XDH: variants seen among roughly 807,000 people sequenced by gnomAD.
XDH encodes xanthine dehydrogenase/oxidase.
In XDH, 138 loss-of-function variants were observed where a neutral mutation model predicts 156.1. The ratio of observed to expected loss-of-function variants is 0.88; its 90% CI spans 0.77 to 1.02. The LOEUF is 1.02. XDH is among the 50% of genes least tolerant of loss of function. The pLI is 0.00. For synonymous variants in XDH, 669 were observed against 625.7 expected (o/e 1.07, Z -1.03); for missense variants, 1,849 against 1,684.9 (o/e 1.10, Z -1.71).
At chr2:31,344,065 A>T (rs1193828977) in intron 31 of XDH, among the ~76,000 whole-genome samples, 1 of 152,196 alleles carries the variant, frequency 6.6e-6, no homozygotes, top group Admixed American at 6.5e-5. Flanking sequence ...AAATATGATC[A>T]TATCTTTTTA....
intron 16 of XDH, 26 bp from the exon 17 acceptor site, chr2:31,372,423 G>C (rs199710889): frequency 1.2e-6 from 2 of 1,613,728 alleles, no homozygotes; most frequent in Admixed American, 1.7e-5. Flanking sequence ...CATCAATCAG[G>C]GTGAGCTGCC....
At position 31,405,965 on chromosome 2, in the gene XDH, C is replaced by A. The variant is rs745754753; in HGVS notation, c.43-1G>T. On this transcript the variant is annotated splice_acceptor_variant, in intron 1 of 35. Transcript: ENST00000379416. LOFTEE classifies it high-confidence loss of function. Reference sequence around the variant, plus strand: ...CTGGATCTGCATTTTTCTCCACCACCTATTAAAATAAATGAAAGAAAAATA... The same window carrying A: ...CTGGATCTGCATTTTTCTCCACCACATATTAAAATAAATGAAAGAAAAATA... 1 of 1,614,086 alleles carries A rather than the reference C, an allele frequency of 6.2e-7. No individual in the cohort carries two copies. The highest frequency in any genetic ancestry group is 8.5e-7 in the Non-Finnish European group (1 of 1,179,982).
chr2:31,364,137 G>A (rs774525019), intron 24 of XDH, 21 bp downstream of exon 24: 4 of 1,612,806 alleles, frequency 2.5e-6, no homozygotes, highest in African/African-American at 1.3e-5. Flanking sequence ...GGGTGCAGGG[G>A]CGGCTGCAGG....
chr2:31,359,921 G>A (rs1218005809), intron 24 of XDH, among the ~76,000 whole-genome samples: 1 of 152,208 alleles, frequency 6.6e-6, no homozygotes, highest in African/African-American at 2.4e-5. Context: ...AAGCAGGGAT[G>A]GGGGATGGTG....
intron 24 of XDH, among the ~76,000 whole-genome samples, chr2:31,356,660 T>G (rs770968065): frequency 6.6e-6 from 1 of 152,204 alleles, no homozygotes; most frequent in Non-Finnish European, 1.5e-5. Context: ...GATTTCAGAC[T>G]TCTGGCCTCA....
At chr2:31,344,953 T>C (rs565191192) in intron 30 of XDH, among the ~76,000 whole-genome samples, 2 of 152,282 alleles carry the variant, frequency 1.3e-5, no homozygotes, top group Admixed American at 6.5e-5. Context: ...TCTTAACTGG[T>C]CTTCCTCCCT....
At position 31,388,365 on chromosome 2, in the gene XDH, T is replaced by C. The variant is rs561614603; in HGVS notation, c.496-70A>G. ...ATTTGCAGAAGCTAAGGAATCTAGA[T>C]TACTAATATCCAGAACACTCCAGCT... is the stretch of plus-strand genomic sequence containing the variant. On this transcript the variant is annotated intron_variant, in intron 6 of 35. Coordinates refer to ENST00000379416, the MANE Select transcript of XDH (RefSeq NM_000379.4). The C allele has an allele frequency of 5.2e-6, 8 of 1,541,052 alleles. No homozygotes were observed. In the African/African-American group the frequency reaches 1.1e-4, roughly 21 times the overall value.
chr2:31,388,177 C>G lies in XDH; in HGVS notation c.564+50G>C, dbSNP rs144746311. On this transcript the variant is annotated intron_variant, in intron 7 of 35. Transcript: ENST00000379416. ...ACATGGAGCTCGTGCACTGACTCCT[C>G]TAAGTCTCAGATTACCCCCAGGCTT... 1.4e-4 allele frequency: 227 copies of G among 1,601,740 alleles called. 2 individuals carry two copies. The African/African-American group carries it at 2.4e-3, about 17-fold the overall frequency.
chr2:31,412,281 A>G (rs1687361740), intron 1 of XDH, among the ~76,000 whole-genome samples: 1 of 152,202 alleles, frequency 6.6e-6, no homozygotes, highest in Admixed American at 6.5e-5. Context: ...AAGGCCCTAG[A>G]GGTATTCGAC....
chr2:31,370,829 G>C (rs934255805), intron 17 of XDH, among the ~76,000 whole-genome samples: 1 of 152,186 alleles, frequency 6.6e-6, no homozygotes, highest in African/African-American at 2.4e-5. Flanking sequence ...GCAAGATCCT[G>C]TCTCCATTTA....
intron 24 of XDH, among the ~76,000 whole-genome samples, chr2:31,360,058 C>A (rs935062643): frequency 6.6e-6 from 1 of 152,228 alleles, no homozygotes; most frequent in Admixed American, 6.5e-5. Context: ...TGGCTACCTG[C>A]TCCTGATCAC....
intron 13 of XDH, among the ~76,000 whole-genome samples, chr2:31,377,531 G>T (rs748078952): frequency 3.3e-5 from 5 of 152,120 alleles, no homozygotes; most frequent in Non-Finnish European, 7.3e-5. Context: ...AACAACAGCT[G>T]CAGGGGAAGA....
chr2:31,362,676 G>T (rs1230464382), intron 24 of XDH, among the ~76,000 whole-genome samples: 1 of 152,072 alleles, frequency 6.6e-6, no homozygotes, highest in East Asian at 1.9e-4. Flanking sequence ...TCATTATAAA[G>T]TTCCTTTTAT....
chr2:31,369,070 A>T (rs1401550346), intron 18 of XDH, among the ~76,000 whole-genome samples: 1 of 152,172 alleles, frequency 6.6e-6, no homozygotes, highest in Non-Finnish European at 1.5e-5. Flanking sequence ...TTGACAGATC[A>T]TGACTAACCT....
At position 31,350,239 on chromosome 2, in the gene XDH, C is replaced by CA; in HGVS notation, c.2632-17dup. 1 of 1,613,708 alleles carries CA rather than the reference C, an allele frequency of 6.2e-7. No homozygotes were observed. The highest frequency in any genetic ancestry group is 8.5e-7 in the Non-Finnish European group (1 of 1,179,820). ...GTTCCATAATCTGAAGCAGAGGAAA[C>CA]AAAAATGGGAGAGAACAGTGTACTG... On this transcript the variant is annotated splice_polypyrimidine_tract_variant and intron_variant, in intron 24 of 35. Transcript: ENST00000379416.
intron 11 of XDH, among the ~76,000 whole-genome samples, chr2:31,382,400 A>G (rs1244656568): frequency 6.6e-6 from 1 of 152,208 alleles, no homozygotes; most frequent in African/African-American, 2.4e-5. Flanking sequence ...TAAAAAAACA[A>G]TTTAAAAATG....
intron 3 of XDH, among the ~76,000 whole-genome samples, chr2:31,402,581 G>A (rs1687090257): frequency 6.6e-6 from 1 of 152,108 alleles, no homozygotes. Context: ...TAGTCAGATA[G>A]AGAAATCCTA....
At chr2:31,372,448 T>C in intron 16 of XDH, 51 bp from the exon 17 acceptor site, 1 of 1,612,142 alleles carries the variant, frequency 6.2e-7, no homozygotes, top group East Asian at 2.2e-5. Flanking sequence ...ACACTGCCCC[T>C]CTATGGGCCC....
chr2:31,406,073 A>G, intron 1 of XDH, 109 bp from the exon 2 acceptor site: 1 of 1,249,382 alleles, frequency 8.0e-7, no homozygotes. Flanking sequence ...GTTAGTAGGA[A>G]GTGTGATATA....
Sources: allele counts gnomAD v4.1 joint callset (sites outside exome capture counted in the v4.1 genomes callset), GRCh38; gene constraint gnomAD v4.1.1; transcripts MANE v1.5; gene names NCBI Gene and HGNC (gene_info 2026-07-23, HGNC 2026-07-21).